WDR7: variants seen among roughly 807,000 people sequenced by gnomAD.
WDR7 encodes the protein WD repeat-containing protein 7.
WDR7 carries 46 observed loss-of-function variants against 169.4 expected under a neutral mutation model. That is an observed-to-expected ratio of 0.27 (90% CI 0.21 to 0.35). WDR7 has a LOEUF of 0.35. WDR7 is among the 10% of genes least tolerant of loss of function. The pLI is 1.00. For synonymous variants in WDR7, 612 were observed against 666.8 expected (o/e 0.92, Z 1.27); for missense variants, 1,534 against 1,859.3 (o/e 0.83, Z 3.22).
chr18:57,033,214 G>A (rs1215034690), downstream of WDR7: 1 of 152,116 alleles, frequency 6.6e-6, no homozygotes, highest in Non-Finnish European at 1.5e-5. Flanking sequence ...GAGAACACAG[G>A]AAGTGATCGA....
intron 26 of WDR7, among the ~76,000 whole-genome samples, chr18:56,979,772 A>T (rs891102495): frequency 6.6e-6 from 1 of 152,166 alleles, no homozygotes; most frequent in Non-Finnish European, 1.5e-5. Context: ...ATTATGAGGC[A>T]TTATTACTAA....
intron 14 of WDR7, among the ~76,000 whole-genome samples, chr18:56,742,566 G>C (rs1013020770): frequency 3.9e-5 from 6 of 152,118 alleles, no homozygotes; most frequent in Non-Finnish European, 8.8e-5. Flanking sequence ...TTGACTACTA[G>C]GTACTGTGTT....
intron 25 of WDR7, among the ~76,000 whole-genome samples, chr18:56,941,903 T>C (rs76471573): frequency 0.055 from 8,332 of 152,146 alleles, 748 homozygotes; most frequent in African/African-American, 0.19. Flanking sequence ...TGGCATCCTA[T>C]CCAGGGCTGG....
At position 56,731,446 on chromosome 18, in the gene WDR7, C is replaced by T. The variant is rs1361288628; in HGVS notation, c.1838C>T (p.Ala613Val). Residue 613 changes from alanine to valine, a missense_variant, in exon 14 of 28, where the codon GCT (alanine) becomes GTT (valine). Coordinates refer to ENST00000254442, the MANE Select transcript of WDR7 (RefSeq NM_015285.3). ...AVEILNACDEAVPAAVDSLSH... is the reference protein window; with the variant it reads ...AVEILNACDEVVPAAVDSLSH... ...GAGATTCTAAACGCTTGTGATGAAGCTGTTCCTGCTGCTGTTGATTCACTT... is the reference window on the plus strand; with the variant it reads ...GAGATTCTAAACGCTTGTGATGAAGTTGTTCCTGCTGCTGTTGATTCACTT... 6 of 1,614,048 alleles carry T rather than the reference C, an allele frequency of 3.7e-6. No individual in the cohort carries two copies. The highest frequency in any genetic ancestry group is 1.7e-5 in the Admixed American group (1 of 60,004).
At chr18:56,924,133 A>G (rs1457161819) in intron 22 of WDR7, 25 bp downstream of exon 22, 1 of 1,604,274 alleles carries the variant, frequency 6.2e-7, no homozygotes, top group Admixed American at 1.7e-5. Context: ...CGGTTAATTT[A>G]ATTTGTCACT....
chr18:56,692,431 GTTTTTTTTGTT>G (rs1176484568), intron 9 of WDR7, among the ~76,000 whole-genome samples: 1 of 61,794 alleles, frequency 1.6e-5, no homozygotes, highest in African/African-American at 4.1e-5. Context: ...TGAAAGCAGA[GTTTTTTTTGTT>G]TTTTTTTTTT....
At chr18:56,996,442 GA>G (rs2047900187) in intron 26 of WDR7, among the ~76,000 whole-genome samples, 1 of 152,134 alleles carries the variant, frequency 6.6e-6, no homozygotes, top group African/African-American at 2.4e-5. Context: ...TACATTTTCA[GA>G]AAGATAAAAC....
chr18:56,709,418 A>G (rs1306104572), intron 12 of WDR7, among the ~76,000 whole-genome samples: 1 of 152,216 alleles, frequency 6.6e-6, no homozygotes, highest in Non-Finnish European at 1.5e-5. Context: ...AATCTATGGT[A>G]TATAATTACA....
At chr18:56,799,961 A>G (rs1482326367) in intron 19 of WDR7, among the ~76,000 whole-genome samples, 4 of 152,164 alleles carry the variant, frequency 2.6e-5, no homozygotes, top group African/African-American at 9.7e-5. Context: ...TCCCTTGCTC[A>G]CTGCCAGAGT....
intron 20 of WDR7, among the ~76,000 whole-genome samples, chr18:56,877,177 A>G (rs1483692272): frequency 3.3e-5 from 5 of 152,214 alleles, no homozygotes; most frequent in Non-Finnish European, 5.9e-5. Context: ...TTTTAATCAT[A>G]TAGAGAATAC....
chr18:56,724,366 G>A (rs1411216706), intron 13 of WDR7, among the ~76,000 whole-genome samples: 6 of 151,236 alleles, frequency 4.0e-5, no homozygotes, highest in African/African-American at 7.3e-5. Flanking sequence ...GCACCACCAC[G>A]CTCAGTTAAT....
intron 13 of WDR7, among the ~76,000 whole-genome samples, chr18:56,723,171 A>AT (rs2026361959): frequency 6.7e-6 from 1 of 148,698 alleles, no homozygotes. Flanking sequence ...TGTTTTCGTG[A>AT]TTTTCACTCA....
chr18:56,756,328 AC>A (rs1417218175), intron 14 of WDR7, among the ~76,000 whole-genome samples: 1 of 152,130 alleles, frequency 6.6e-6, no homozygotes, highest in Non-Finnish European at 1.5e-5. Context: ...TCAATAATAA[AC>A]TATTATTTTC....
intron 26 of WDR7, among the ~76,000 whole-genome samples, chr18:56,993,514 C>T (rs1427777692): frequency 6.6e-6 from 1 of 151,758 alleles, no homozygotes; most frequent in Admixed American, 6.6e-5. Flanking sequence ...AGTGTGACGT[C>T]GTGTCTAGGG....
At chr18:57,032,906 C>T (rs1009030557), downstream of WDR7, 5 of 146,136 alleles carry the variant, frequency 3.4e-5, no homozygotes, top group African/African-American at 1.0e-4. Flanking sequence ...ATCCCGAAAA[C>T]ATCCCCAACC....
intron 21 of WDR7, among the ~76,000 whole-genome samples, chr18:56,914,599 G>T (rs2046599896): frequency 6.6e-6 from 1 of 152,048 alleles, no homozygotes; most frequent in Non-Finnish European, 1.5e-5. Flanking sequence ...TTTGGGAAGG[G>T]GATATAGAAG....
At chr18:56,779,690 T>C (rs1382506515) in intron 18 of WDR7, 141 bp downstream of exon 18, 7 of 686,890 alleles carry the variant, frequency 1.0e-5, no homozygotes, top group East Asian at 8.5e-5. Context: ...TCATGATTTA[T>C]GTTTTCTTCT....
chr18:56,939,292 C>A lies in WDR7; in HGVS notation c.3982-19C>A, dbSNP rs199776316. 11 of 1,484,970 alleles carry A rather than the reference C, an allele frequency of 7.4e-6. No homozygotes were observed. In the African/African-American group the frequency reaches 1.3e-4, roughly 17 times the overall value. 92.0% of individuals were successfully genotyped at this position (1,484,970 alleles called of 1,614,324 possible). ...TAAGTATTTGAAATTAATTTTAAAT[C>A]TGTTCTTTTCTGTCAAAGGTTATGG... On this transcript the variant is annotated intron_variant, in intron 24 of 27. Coordinates refer to ENST00000254442, the MANE Select transcript of WDR7 (RefSeq NM_015285.3).
intron 26 of WDR7, among the ~76,000 whole-genome samples, chr18:56,971,227 C>T (rs982697544): frequency 2.7e-5 from 4 of 149,920 alleles, no homozygotes; most frequent in Non-Finnish European, 5.9e-5. Context: ...TGCAGTGAGC[C>T]GAGATCGCAC....
Sources: gnomAD v4.1 joint callset for allele counts (sites outside exome capture counted in the v4.1 genomes callset) on GRCh38, gnomAD v4.1.1 for gene constraint, MANE v1.5 for transcripts, NCBI Gene and HGNC (gene_info 2026-07-23, HGNC 2026-07-21) for gene names.